Variants in CNTN3 observed in about 807,000 individuals in gnomAD.
CNTN3 encodes contactin-3.
CNTN3 carries 60 observed loss-of-function variants against 119.1 expected under a neutral mutation model. The observed-to-expected ratio is 0.50, with a 90% CI of 0.41 to 0.62. CNTN3 has a LOEUF of 0.62. Among genes scored for constraint, CNTN3 ranks in the 20% least tolerant of loss-of-function variants. The pLI is 0.00. For synonymous variants in CNTN3, 450 were observed against 438.7 expected, an observed-to-expected ratio of 1.03 and a Z score of -0.32; for missense variants, 1,101 against 1,242.4, an observed-to-expected ratio of 0.89 and a Z score of 1.71.
At chr3:74,391,118 A>T (rs941370102) in intron 5 of CNTN3, among the ~76,000 whole-genome samples, 12 of 152,164 alleles carry the variant, frequency 7.9e-5, no homozygotes, top group African/African-American at 2.2e-4. Flanking sequence ...CGAGATTTAC[A>T]TGGAAGGTAG....
chr3:74,571,022 T>C (rs377512226), intron 1 of CNTN3, among the ~76,000 whole-genome samples: 42 of 152,282 alleles, frequency 2.8e-4, no homozygotes, highest in African/African-American at 1.0e-3. Context: ...AATAAAAGTA[T>C]AATACAATAG....
At chr3:74,560,656 C>T (rs1704138875) in intron 1 of CNTN3, among the ~76,000 whole-genome samples, 9 of 152,162 alleles carry the variant, frequency 5.9e-5, no homozygotes, top group Admixed American at 5.9e-4. Flanking sequence ...CCATTTGACC[C>T]AGCCATCCCA....
intron 10 of CNTN3, among the ~76,000 whole-genome samples, chr3:74,362,558 C>T (rs531644883): frequency 3.5e-4 from 54 of 152,144 alleles, no homozygotes; most frequent in South Asian, 6.2e-4. Context: ...AATAATATTA[C>T]GCACATATTA....
At position 74,588,882 on chromosome 3, in the gene CNTN3, G is replaced by C. The variant is rs1412687379; in HGVS notation, c.-81+25509C>G. 4.5e-4 allele frequency among the ~76,000 whole-genome samples: 69 copies of C among 152,036 alleles called. 1 individual carries two copies. The highest frequency in any genetic ancestry group is 1.0e-3 in the African/African-American group (42 of 41,492). Reference sequence around the variant, plus strand: ...AGGATTCCCTATTTAATAAATGGTGGTGGGAAAACTGGCTAGCCATATGTA... The same window carrying C: ...AGGATTCCCTATTTAATAAATGGTGCTGGGAAAACTGGCTAGCCATATGTA... On this transcript the variant is annotated intron_variant, in intron 1 of 22. Coordinates refer to ENST00000263665, the MANE Select transcript of CNTN3 (RefSeq NM_020872.3).
At position 74,336,534 on chromosome 3, in the gene CNTN3, T is replaced by C. The variant is rs769393714; in HGVS notation, c.1489A>G (p.Thr497Ala). Residue 497 changes from threonine (T) to alanine (A), a missense_variant, in exon 12 of 23, where the codon ACG becomes GCG. By Grantham distance (58) the Thr-to-Ala change is moderately conservative. Coordinates refer to ENST00000263665, the MANE Select transcript of CNTN3 (RefSeq NM_020872.3). ...AATATTTTAGAAATGGACCTACCCG[T>C]AACAACCAAATGTGTTGTGCCATTT... ...KANGTTHLVV[T>A]EPTRITLAPS... 1 of 1,612,080 alleles carries C rather than the reference T, an allele frequency of 6.2e-7. No homozygotes were observed. The highest frequency in any genetic ancestry group is 1.1e-5 in the South Asian group (1 of 90,904).
chr3:74,444,625 C>T (rs976425995), intron 4 of CNTN3, among the ~76,000 whole-genome samples: 1 of 151,748 alleles, frequency 6.6e-6, no homozygotes, highest in Non-Finnish European at 1.5e-5. Flanking sequence ...CTTGGTGTCC[C>T]CTTTCCCTAC....
At chr3:74,375,841 T>C (rs1704463172) in intron 5 of CNTN3, among the ~76,000 whole-genome samples, 3 of 152,290 alleles carry the variant, frequency 2.0e-5, no homozygotes, top group South Asian at 2.1e-4. Flanking sequence ...CCTCCAGAAC[T>C]GTAAGAGAAT....
At chr3:74,286,464 A>T (rs2106785170) in intron 19 of CNTN3, among the ~76,000 whole-genome samples, 1 of 152,310 alleles carries the variant, frequency 6.6e-6, no homozygotes, top group African/African-American at 2.4e-5. Context: ...AATTATTAAA[A>T]AAATAAAATC....
intron 4 of CNTN3, among the ~76,000 whole-genome samples, chr3:74,434,599 T>C (rs971823680): frequency 6.6e-6 from 1 of 152,204 alleles, no homozygotes; most frequent in Non-Finnish European, 1.5e-5. Flanking sequence ...TGCAATCCCT[T>C]GGCTGATTCT....
At chr3:74,476,467 C>A (rs924870795) in intron 4 of CNTN3, among the ~76,000 whole-genome samples, 1 of 152,080 alleles carries the variant, frequency 6.6e-6, no homozygotes, top group Non-Finnish European at 1.5e-5. Context: ...CAGAGGCTAA[C>A]AAGAATCAAA....
intron 1 of CNTN3, among the ~76,000 whole-genome samples, chr3:74,535,018 AAATAT>A: frequency 6.6e-6 from 1 of 152,142 alleles, no homozygotes; most frequent in East Asian, 1.9e-4. Context: ...CAAAAAAATT[AAATAT>A]AATTGACACC....
chr3:74,361,851 GAGGA>G, intron 11 of CNTN3, 35 bp downstream of exon 11: 1 of 1,566,176 alleles, frequency 6.4e-7, no homozygotes, highest in Middle Eastern at 1.7e-4. Context: ...TGGAAAGTGA[GAGGA>G]AAGTAAATGA....
chr3:74,385,553 T>C (rs1287017447), intron 5 of CNTN3, among the ~76,000 whole-genome samples: 1 of 152,242 alleles, frequency 6.6e-6, no homozygotes, highest in Non-Finnish European at 1.5e-5. Context: ...ATTTGAGGTT[T>C]ACACTTGTCT....
At chr3:74,277,554 A>G (rs1038208792) in intron 20 of CNTN3, among the ~76,000 whole-genome samples, 2 of 152,198 alleles carry the variant, frequency 1.3e-5, no homozygotes, top group Admixed American at 1.3e-4. Flanking sequence ...AAAGCATTCA[A>G]CAAAATCCAG....
At chr3:74,533,226 T>C (rs1164587179) in intron 1 of CNTN3, among the ~76,000 whole-genome samples, 1 of 152,032 alleles carries the variant, frequency 6.6e-6, no homozygotes, top group Non-Finnish European at 1.5e-5. Context: ...AGTCACTCCA[T>C]TTTGAGGAGC....
intron 10 of CNTN3, among the ~76,000 whole-genome samples, chr3:74,363,930 G>A (rs904827969): frequency 4.6e-5 from 7 of 152,084 alleles, no homozygotes; most frequent in Non-Finnish European, 1.0e-4. Flanking sequence ...CTGGACAATT[G>A]CTTTAAACAT....
At chr3:74,490,259 C>T (rs978102905) in intron 3 of CNTN3, among the ~76,000 whole-genome samples, 8 of 152,206 alleles carry the variant, frequency 5.3e-5, no homozygotes, top group African/African-American at 7.2e-5. Context: ...GCGGGAAAAG[C>T]TCCTCTAAAC....
At chr3:74,269,167 T>C (rs954382222) in intron 20 of CNTN3, among the ~76,000 whole-genome samples, 3 of 152,112 alleles carry the variant, frequency 2.0e-5, no homozygotes, top group African/African-American at 7.2e-5. Context: ...TGTCATGTTT[T>C]GCTATTTAAA....
At chr3:74,586,527 TTGG>T (rs1173178040) in intron 1 of CNTN3, among the ~76,000 whole-genome samples, 2 of 152,062 alleles carry the variant, frequency 1.3e-5, no homozygotes, top group East Asian at 3.9e-4. Context: ...GAGCACAAAT[TTGG>T]ACTGGCTGGG....
Sources: gnomAD v4.1 joint callset for allele counts (sites outside exome capture counted in the v4.1 genomes callset) on GRCh38, gnomAD v4.1.1 for gene constraint, MANE v1.5 for transcripts, NCBI Gene and HGNC (gene_info 2026-07-23, HGNC 2026-07-21) for gene names.